Variants in BANF2 observed in about 807,000 individuals in gnomAD.
BANF2 encodes barrier-to-autointegration factor-like protein.
A neutral mutation model predicts 8.0 loss-of-function variants in BANF2; 4 were observed. The ratio of observed to expected loss-of-function variants is 0.50; its 90% CI spans 0.25 to 1.14. The LOEUF is 1.14. BANF2 is among the 50% of genes most tolerant of loss of function. The pLI, the probability that BANF2 is intolerant of heterozygous loss-of-function variation, is 0.16. For missense variants in BANF2, 96 were observed against 107.5 expected, an observed-to-expected ratio of 0.89 and a Z score of 0.47; for synonymous variants, 50 against 40.6, an observed-to-expected ratio of 1.23 and a Z score of -0.88.
intron 1 of BANF2, among the ~76,000 whole-genome samples, chr20:17,707,543 C>T (rs2037500878): frequency 6.6e-6 from 1 of 152,016 alleles, no homozygotes; most frequent in African/African-American, 2.4e-5. Context: ...GAAACCATGT[C>T]CAAGGTTCAA....
intron 1 of BANF2, among the ~76,000 whole-genome samples, chr20:17,709,849 T>G (rs897232845): frequency 6.6e-6 from 1 of 152,204 alleles, no homozygotes; most frequent in African/African-American, 2.4e-5. Context: ...CTTAGCACGG[T>G]GCCTTGGTAA....
chr20:17,707,860 G>A (rs994718756), intron 1 of BANF2, among the ~76,000 whole-genome samples: 11 of 151,708 alleles, frequency 7.3e-5, no homozygotes, highest in African/African-American at 1.7e-4. Flanking sequence ...GATTACAGGC[G>A]TGTGCCACTG....
intron 1 of BANF2, 22 bp from the exon 2 acceptor site, chr20:17,722,694 T>G (rs1568816393): frequency 1.0e-6 from 1 of 978,622 alleles, no homozygotes; most frequent in Non-Finnish European, 1.2e-6. Flanking sequence ...CAACCTCTCA[T>G]GTCTTTTGCT....
intron 3 of BANF2, among the ~76,000 whole-genome samples, chr20:17,732,296 G>A (rs1482845055): frequency 6.6e-6 from 1 of 152,194 alleles, no homozygotes; most frequent in Non-Finnish European, 1.5e-5. Flanking sequence ...CCCTGCTTGG[G>A]GGCCGGCCCC....
Position 17,722,756 on chromosome 20 carries a change from CT to C in BANF2, c.-125del. ...CAAGGCCACTTTTCTTAGGAGCCCC[CT>C]GACTTCCAAAATCAGTGCCTTTGGA... On this transcript the variant is annotated 5_prime_UTR_variant, in exon 2 of 4. Coordinates refer to ENST00000246090, the MANE Select transcript of BANF2 (RefSeq NM_178477.5). The C allele has an allele frequency of 1.0e-6, 1 of 984,894 alleles. No homozygotes were observed. The highest frequency in any genetic ancestry group is 1.2e-6 in the Non-Finnish European group (1 of 829,446). 61.0% of individuals were successfully genotyped at this position (984,894 alleles called of 1,614,324 possible). A position where few individuals can be genotyped will look rare whatever the true frequency, so the allele number is the denominator to read the frequency against.
chr20:17,702,216 C>T (rs1168375014), intron 1 of BANF2, among the ~76,000 whole-genome samples: 2 of 152,222 alleles, frequency 1.3e-5, no homozygotes, highest in Admixed American at 1.3e-4. Context: ...TTCCCTAAGG[C>T]AAACTGCCAT....
chr20:17,700,120 C>A, intron 1 of BANF2, 65 bp downstream of exon 1: 4 of 621,888 alleles, frequency 6.4e-6, no homozygotes, highest in African/African-American at 2.0e-5. Context: ...GCTGTCTTAG[C>A]ACTTTAAGGT....
chr20:17,698,425 C>T (rs1359491758), upstream of BANF2, among the ~76,000 whole-genome samples: 1 of 152,188 alleles, frequency 6.6e-6, no homozygotes, highest in Non-Finnish European at 1.5e-5. Flanking sequence ...GGAAATTACC[C>T]AGCCTCAGAT....
intron 1 of BANF2, among the ~76,000 whole-genome samples, chr20:17,709,360 G>A (rs1157368418): frequency 1.3e-5 from 2 of 152,198 alleles, no homozygotes; most frequent in African/African-American, 4.8e-5. Context: ...TAGCAGGCAA[G>A]GGCAGGACAC....
intron 1 of BANF2, among the ~76,000 whole-genome samples, chr20:17,702,684 G>A (rs2037426812): frequency 6.6e-6 from 1 of 152,104 alleles, no homozygotes; most frequent in Admixed American, 6.5e-5. Flanking sequence ...TTTAACCCTG[G>A]GGAAAACTGG....
At position 17,731,675 on chromosome 20, in the gene BANF2, G is replaced by A. The variant is rs188610206; in HGVS notation, c.127-3990G>A. 2.5e-4 allele frequency among the ~76,000 whole-genome samples: 37 copies of A among 145,870 alleles called. No homozygotes were observed. The East Asian group carries it at 3.8e-3, about 15-fold the overall frequency. Reference sequence around the variant, plus strand: ...GGAGGCTGAGGTGGGAGGATCATTTGAGCCCAGGAATTTATGGTTGCCAAG... The same window carrying A: ...GGAGGCTGAGGTGGGAGGATCATTTAAGCCCAGGAATTTATGGTTGCCAAG... On this transcript the variant is annotated intron_variant, in intron 3 of 3. Transcript: ENST00000246090.
In BANF2 at chr20:17,712,220, G is replaced by GT. The variant is rs1162464418; in HGVS notation, c.-166-10495dup. 3 of 152,260 alleles carry GT rather than the reference G, an allele frequency of 2.0e-5. No individual in the cohort carries two copies. In the East Asian group the frequency reaches 5.8e-4, roughly 29 times the overall value. The allele number at this position is 152,260 out of a possible 1,614,324, so 9.4% of individuals were successfully genotyped here. A position where few individuals can be genotyped will look rare whatever the true frequency, so the allele number is the denominator to read the frequency against. On this transcript the variant is annotated intron_variant, in intron 1 of 3. Coordinates refer to ENST00000246090, the MANE Select transcript of BANF2 (RefSeq NM_178477.5). ...CTGGACATTTGCCCATGGTTGTGAG[G>GT]TCCCCATGCATGGGACTTCTTCCTC...
At chr20:17,734,642 G>A (rs2037949516) in intron 3 of BANF2, among the ~76,000 whole-genome samples, 1 of 152,202 alleles carries the variant, frequency 6.6e-6, no homozygotes, top group Admixed American at 6.5e-5. Flanking sequence ...AATGTTTGGG[G>A]ATGGTTATGA....
intron 1 of BANF2, among the ~76,000 whole-genome samples, chr20:17,709,063 C>T (rs1319039932): frequency 6.6e-6 from 1 of 152,240 alleles, no homozygotes; most frequent in Non-Finnish European, 1.5e-5. Context: ...TCTTTATAAC[C>T]TTGAGAATGT....
chr20:17,719,072 G>T (rs2037693854), intron 1 of BANF2, among the ~76,000 whole-genome samples: 1 of 152,224 alleles, frequency 6.6e-6, no homozygotes, highest in African/African-American at 2.4e-5. Flanking sequence ...TCCCCTGAAA[G>T]ATGGAGAGCT....
At chr20:17,724,088 C>T (rs962775896) in intron 2 of BANF2, among the ~76,000 whole-genome samples, 1 of 152,162 alleles carries the variant, frequency 6.6e-6, no homozygotes, top group Non-Finnish European at 1.5e-5. Flanking sequence ...GCTTATGGAA[C>T]CCATGATATT....
At chr20:17,732,941 G>A (rs536869907) in intron 3 of BANF2, among the ~76,000 whole-genome samples, 4 of 152,318 alleles carry the variant, frequency 2.6e-5, no homozygotes, top group African/African-American at 7.2e-5. Context: ...CTTCCCTGGG[G>A]AGCAGGGTGA....
intron 1 of BANF2, among the ~76,000 whole-genome samples, chr20:17,718,892 A>G (rs2037691042): frequency 6.6e-6 from 1 of 152,222 alleles, no homozygotes; most frequent in African/African-American, 2.4e-5. Flanking sequence ...AAAATACAGT[A>G]GGGTCATTGA....
intron 1 of BANF2, among the ~76,000 whole-genome samples, chr20:17,705,304 T>G (rs1039386151): frequency 6.6e-6 from 1 of 152,104 alleles, no homozygotes; most frequent in African/African-American, 2.4e-5. Context: ...CAATTGATCA[T>G]GAGAACAGGT....
Sources: gnomAD v4.1 joint callset for allele counts (sites outside exome capture counted in the v4.1 genomes callset) on GRCh38, gnomAD v4.1.1 for gene constraint, MANE v1.5 for transcripts, NCBI Gene and HGNC (gene_info 2026-07-23, HGNC 2026-07-21) for gene names.